NKAIN3: variants seen among roughly 807,000 people sequenced by gnomAD.
The protein encoded by NKAIN3 is sodium/potassium transporting ATPase interacting 3.
In NKAIN3, 25 loss-of-function variants were observed where a neutral mutation model predicts 30.2. The observed-to-expected ratio is 0.83, with a 90% CI of 0.60 to 1.16. The LOEUF is 1.16. NKAIN3 is among the 50% of genes most tolerant of loss of function. NKAIN3 has a pLI of 0.00. For missense variants in NKAIN3, 225 were observed against 254.1 expected (o/e 0.89, Z 0.78); for synonymous variants, 91 against 89.6 (o/e 1.02, Z -0.09).
intron 4 of NKAIN3, among the ~76,000 whole-genome samples, chr8:62,838,341 T>C (rs1017584818): frequency 1.3e-5 from 2 of 151,736 alleles, no homozygotes; most frequent in African/African-American, 4.8e-5. Context: ...CACACACACA[T>C]ATATACACAC....
chr8:62,315,792 T>A (rs1814601926), intron 1 of NKAIN3, among the ~76,000 whole-genome samples: 1 of 152,198 alleles, frequency 6.6e-6, no homozygotes, highest in Non-Finnish European at 1.5e-5. Flanking sequence ...GTGGTGTTTG[T>A]GGAGGGAGAG....
intron 5 of NKAIN3, among the ~76,000 whole-genome samples, chr8:62,923,828 A>G (rs1822354816): frequency 6.6e-6 from 1 of 152,222 alleles, no homozygotes; most frequent in South Asian, 2.1e-4. Context: ...ACAGGATCCC[A>G]GCTACAGTGC....
chr8:62,707,462 C>T (rs1010218134), intron 3 of NKAIN3, among the ~76,000 whole-genome samples: 4 of 152,226 alleles, frequency 2.6e-5, no homozygotes, highest in East Asian at 3.9e-4. Flanking sequence ...TTTTGATTTG[C>T]ATTTCCTGAT....
intron 4 of NKAIN3, among the ~76,000 whole-genome samples, chr8:62,827,636 T>C (rs948130727): frequency 6.6e-6 from 1 of 152,226 alleles, no homozygotes; most frequent in East Asian, 1.9e-4. Context: ...CAATTCTCTA[T>C]CACATGAATA....
intron 1 of NKAIN3, among the ~76,000 whole-genome samples, chr8:62,337,863 A>G (rs1815616800): frequency 6.6e-6 from 1 of 152,074 alleles, no homozygotes; most frequent in South Asian, 2.1e-4. Context: ...CTGAAGTGTG[A>G]AAAACAACTG....
rs1369024973 is a variant in NKAIN3, at chr8:62,971,297, C to G, written c.*5890C>G. ...ACCCCCAACTTTGCAGTGAAGAAAC[C>G]TGGGTATTATAGTCTTTATTCTTAA... On this transcript the variant is annotated 3_prime_UTR_variant, in exon 7 of 7. Coordinates refer to ENST00000623646, the MANE Select transcript of NKAIN3 (RefSeq NM_001304533.3). Among the ~76,000 whole-genome samples, 3 of 152,158 alleles carry G rather than the reference C, an allele frequency of 2.0e-5. No individual in the cohort carries two copies. Among genetic ancestry groups the G allele is most frequent in the Non-Finnish European group, 2.9e-5 (2 of 68,030 alleles).
chr8:62,736,543 G>A (rs1167078456), intron 3 of NKAIN3, among the ~76,000 whole-genome samples: 4 of 152,090 alleles, frequency 2.6e-5, no homozygotes, highest in South Asian at 2.1e-4. Context: ...CCGTGCCCAC[G>A]CAACAGCACC....
Position 62,670,138 on chromosome 8 carries a change from A to T in NKAIN3, c.274-76794A>T, listed in dbSNP as rs1356201883. ...TTGACGAGAAGAGACATAGAGAATG[A>T]ATACTTATTATAAAAAACACTGTAC... is the stretch of plus-strand genomic sequence containing the variant. On this transcript the variant is annotated intron_variant, in intron 3 of 6. Coordinates refer to ENST00000623646, the MANE Select transcript of NKAIN3 (RefSeq NM_001304533.3). 2.6e-5 allele frequency among the ~76,000 whole-genome samples: 4 copies of T among 152,176 alleles called. No homozygotes were observed. The East Asian group carries it at 7.7e-4, about 29-fold the overall frequency.
intron 5 of NKAIN3, among the ~76,000 whole-genome samples, chr8:62,934,012 T>C (rs1401653080): frequency 6.6e-6 from 1 of 152,176 alleles, no homozygotes; most frequent in Non-Finnish European, 1.5e-5. Flanking sequence ...GCATATCTAC[T>C]ATAGAGAAAG....
chr8:62,435,549 G>A (rs1036669342), intron 1 of NKAIN3, among the ~76,000 whole-genome samples: 2 of 152,002 alleles, frequency 1.3e-5, no homozygotes, highest in African/African-American at 2.4e-5. Flanking sequence ...ACAAACAAAC[G>A]AAGGGGAGTT....
chr8:62,876,974 T>A (rs1219860690), intron 4 of NKAIN3, among the ~76,000 whole-genome samples: 1 of 150,886 alleles, frequency 6.6e-6, no homozygotes, highest in African/African-American at 2.4e-5. Flanking sequence ...AAGTTTGGGG[T>A]TTTTAACTCT....
chr8:62,613,918 T>C (rs1811366057), intron 3 of NKAIN3, among the ~76,000 whole-genome samples: 1 of 152,188 alleles, frequency 6.6e-6, no homozygotes, highest in South Asian at 2.1e-4. Flanking sequence ...CTGAATTCTT[T>C]TTATGCATTA....
chr8:62,544,036 C>G (rs1184274696), intron 1 of NKAIN3, among the ~76,000 whole-genome samples: 1 of 152,122 alleles, frequency 6.6e-6, no homozygotes, highest in Non-Finnish European at 1.5e-5. Context: ...AGTTCTCACT[C>G]TATTACCCAG....
intron 1 of NKAIN3, among the ~76,000 whole-genome samples, chr8:62,329,983 G>C (rs748693738): frequency 6.6e-6 from 1 of 152,038 alleles, no homozygotes; most frequent in Non-Finnish European, 1.5e-5. Context: ...ACCAAGGGTA[G>C]ATACCACGAC....
At chr8:62,645,708 G>T (rs571235937) in intron 3 of NKAIN3, among the ~76,000 whole-genome samples, 38 of 152,198 alleles carry the variant, frequency 2.5e-4, no homozygotes, top group African/African-American at 8.9e-4. Flanking sequence ...CATCATTACT[G>T]CTGAGCACCA....
intron 1 of NKAIN3, among the ~76,000 whole-genome samples, chr8:62,316,656 A>AT: frequency 6.6e-6 from 1 of 152,048 alleles, no homozygotes. Context: ...TATGTGCCAC[A>AT]TTTTTTTAAT....
intron 3 of NKAIN3, among the ~76,000 whole-genome samples, chr8:62,604,382 G>T (rs553295433): frequency 6.6e-6 from 1 of 152,246 alleles, no homozygotes; most frequent in African/African-American, 2.4e-5. Flanking sequence ...ACAGTACACA[G>T]CTGTGTGTGT....
rs1814762330 is a variant in NKAIN3, at chr8:62,712,713, G to A, written c.274-34219G>A. Among the ~76,000 whole-genome samples the A allele has an allele frequency of 2.0e-5, 3 of 152,126 alleles. No homozygotes were observed. In the South Asian group the frequency reaches 6.2e-4, roughly 32 times the overall value. ...CTTCCCTGTGAAGTCTGCACACTGG[G>A]TTTGTGCCCTCCCCTGAGTTCTGGC... is the stretch of plus-strand genomic sequence containing the variant. On this transcript the variant is annotated intron_variant, in intron 3 of 6. Transcript: ENST00000623646.
intron 1 of NKAIN3, among the ~76,000 whole-genome samples, chr8:62,464,734 T>C (rs763960525): frequency 3.3e-4 from 50 of 152,338 alleles, no homozygotes; most frequent in Middle Eastern, 3.4e-3. Context: ...CTTTCCAGTT[T>C]TTTAGTCCTG....
Sources: gnomAD v4.1 joint callset for allele counts (sites outside exome capture counted in the v4.1 genomes callset) on GRCh38, gnomAD v4.1.1 for gene constraint, MANE v1.5 for transcripts, NCBI Gene and HGNC (gene_info 2026-07-23, HGNC 2026-07-21) for gene names.